Variants in RARB observed in about 807,000 individuals in gnomAD.
The protein encoded by RARB is HBV-activated protein.
Under a neutral mutation model 51.9 loss-of-function variants are expected in RARB, and 17 were observed. That is an observed-to-expected ratio of 0.33 (90% confidence interval 0.22 to 0.49). The LOEUF (loss-of-function observed/expected upper bound fraction) is 0.49. RARB is among the 20% of genes least tolerant of loss of function. The pLI is 0.99. For synonymous variants in RARB, 215 were observed against 195.4 expected (o/e 1.10, Z -0.84); for missense variants, 369 against 550.8 (o/e 0.67, Z 3.30).
At chr3:24,882,877 C>T (rs1168500999) in intron 2 of RARB, among the ~76,000 whole-genome samples, 1 of 152,182 alleles carries the variant, frequency 6.6e-6, no homozygotes, top group African/African-American at 2.4e-5. Context: ...TATGACAGAA[C>T]TCTGACCAAT....
At chr3:25,578,628 G>C (rs1372205666) in intron 4 of RARB, among the ~76,000 whole-genome samples, 1 of 152,162 alleles carries the variant, frequency 6.6e-6, no homozygotes, top group East Asian at 1.9e-4. Flanking sequence ...TTGATCTCAT[G>C]TTCCCTCAAG....
At chr3:25,020,104 CTATTATTATTATTATTATTAT>C (rs869230918) in intron 2 of RARB, 3 of 77,444 alleles carry the variant, frequency 3.9e-5, no homozygotes, top group Non-Finnish European at 6.8e-5. Flanking sequence ...CTCAAGTTCT[CTATTATTATTATTATTATTAT>C]TATTATTATT....
At chr3:25,558,851 A>G (rs192341254) in intron 3 of RARB, among the ~76,000 whole-genome samples, 1 of 152,060 alleles carries the variant, frequency 6.6e-6, no homozygotes, top group African/African-American at 2.4e-5. Context: ...CGTCTTCTTC[A>G]TCCCCATTTT....
chr3:25,301,260 A>G (rs1215273410), intron 5 of RARB, among the ~76,000 whole-genome samples: 1 of 152,206 alleles, frequency 6.6e-6, no homozygotes, highest in African/African-American at 2.4e-5. Flanking sequence ...TACAGTGTGA[A>G]TACCAATGGG....
At position 24,977,120 on chromosome 3, in the gene RARB, A is replaced by G. The variant is rs535613007; in HGVS notation, c.-379-83005A>G. ...CCTCTGTTCTGTTCCATTGGTCTAT[A>G]TATCTGTTTTGGTACCGGTACCATG... On this transcript the variant is annotated intron_variant, in intron 2 of 11. Transcript: ENST00000383772. Among the ~76,000 whole-genome samples the G allele has an allele frequency of 3.7e-3, 570 of 152,084 alleles. 4 individuals are homozygous for G. Among genetic ancestry groups the G allele is most frequent in the African/African-American group, 0.013 (549 of 41,470 alleles).
intron 4 of RARB, among the ~76,000 whole-genome samples, chr3:25,144,475 C>T (rs989557875): frequency 4.6e-5 from 7 of 152,036 alleles, no homozygotes; most frequent in Non-Finnish European, 8.8e-5. Flanking sequence ...ACTAGAGACC[C>T]GTGTTCTCTA....
At position 25,237,409 on chromosome 3, in the gene RARB, A is replaced by C. The variant is rs138838907; in HGVS notation, c.178+62834A>C. ...CATTTATTTTTCTTTTTGCACTTCAATATTCTAAATGCCATATGTTATTTT... is the reference window on the plus strand; with the variant it reads ...CATTTATTTTTCTTTTTGCACTTCACTATTCTAAATGCCATATGTTATTTT... On this transcript the variant is annotated intron_variant, in intron 5 of 11. Transcript: ENST00000383772. Among the ~76,000 whole-genome samples the C allele has an allele frequency of 7.6e-3, 1,153 of 151,408 alleles. 16 individuals carry two copies. Among genetic ancestry groups the C allele is most frequent in the African/African-American group, 0.027 (1,105 of 40,830 alleles).
At chr3:25,292,228 G>A (rs941607542) in intron 5 of RARB, among the ~76,000 whole-genome samples, 34 of 152,138 alleles carry the variant, frequency 2.2e-4, no homozygotes, top group African/African-American at 7.5e-4. Flanking sequence ...GCGATGCAGC[G>A]AGTTTAGGGC....
At chr3:25,180,925 G>T (rs1700848117) in intron 5 of RARB, among the ~76,000 whole-genome samples, 1 of 152,008 alleles carries the variant, frequency 6.6e-6, no homozygotes, top group South Asian at 2.1e-4. Context: ...AAAATTAATT[G>T]TCAAAAATAA....
chr3:25,302,504 T>A (rs1212446367), intron 5 of RARB, among the ~76,000 whole-genome samples: 1 of 152,162 alleles, frequency 6.6e-6, no homozygotes, highest in African/African-American at 2.4e-5. Flanking sequence ...AAGAAACCAG[T>A]CACAAAGGCC....
At chr3:24,949,485 G>A (rs533397874) in intron 2 of RARB, among the ~76,000 whole-genome samples, 190 of 152,296 alleles carry the variant, frequency 1.2e-3, no homozygotes, top group Non-Finnish European at 2.5e-3. Flanking sequence ...AGCAATTTAA[G>A]GTTTGTAATG....
chr3:24,945,980 C>T (rs774371935), intron 2 of RARB, among the ~76,000 whole-genome samples: 7 of 152,134 alleles, frequency 4.6e-5, no homozygotes, highest in Non-Finnish European at 1.0e-4. Flanking sequence ...ACTTAAGAAT[C>T]GCTGGCCAGG....
rs140093343 is a variant in RARB at position 25,476,023 on chromosome 3, C to T, written c.306+14682C>T. Among the ~76,000 whole-genome samples the T allele has an allele frequency of 1.0e-3, 152 of 152,322 alleles. 1 individual carries two copies. The East Asian group carries it at 0.02, about 20-fold the overall frequency. ...ACTCAAGGACCAAGACTGATGGAGT[C>T]ACCTCCATTTAGAAAATCACTGGCC... On this transcript the variant is annotated intron_variant, in intron 2 of 7. Transcript: ENST00000330688.
chr3:25,148,070 C>A (rs1700223427), intron 4 of RARB, among the ~76,000 whole-genome samples: 1 of 152,200 alleles, frequency 6.6e-6, no homozygotes, highest in Admixed American at 6.5e-5. Context: ...ACCCTTTTGC[C>A]ACTTAAACCA....
intron 5 of RARB, among the ~76,000 whole-genome samples, chr3:25,190,273 C>T (rs1009382719): frequency 6.6e-6 from 1 of 152,024 alleles, no homozygotes; most frequent in Non-Finnish European, 1.5e-5. Context: ...CACATGTTCC[C>T]TTACACCCCC....
At chr3:25,465,683 C>A (rs535100391) in intron 2 of RARB, among the ~76,000 whole-genome samples, 5 of 152,242 alleles carry the variant, frequency 3.3e-5, no homozygotes, top group African/African-American at 1.2e-4. Flanking sequence ...GGCAGTATAA[C>A]CACTAGACAC....
At chr3:25,406,001 G>A (rs1289334444) in intron 5 of RARB, among the ~76,000 whole-genome samples, 1 of 152,126 alleles carries the variant, frequency 6.6e-6, no homozygotes, top group East Asian at 1.9e-4. Context: ...ACTATCCCGA[G>A]AGTATTCCTT....
intron 3 of RARB, among the ~76,000 whole-genome samples, chr3:25,544,509 A>G (rs944351765): frequency 3.9e-5 from 6 of 152,228 alleles, no homozygotes; most frequent in Non-Finnish European, 1.5e-5. Flanking sequence ...AGGTTACTTC[A>G]GTTAGTTCAT....
intron 5 of RARB, among the ~76,000 whole-genome samples, chr3:25,585,259 G>A (rs980378849): frequency 5.3e-5 from 8 of 152,152 alleles, no homozygotes; most frequent in African/African-American, 1.9e-4. Context: ...CGGTATTATT[G>A]TTAAGTCGCA....
Sources: gnomAD v4.1 joint callset for allele counts (sites outside exome capture counted in the v4.1 genomes callset) on GRCh38, gnomAD v4.1.1 for gene constraint, MANE v1.5 for transcripts, NCBI Gene and HGNC (gene_info 2026-07-23, HGNC 2026-07-21) for gene names.